Variants in PACRG observed in about 807,000 individuals in gnomAD.
PACRG encodes the protein parkin coregulated gene protein.
Under a neutral mutation model 29.7 loss-of-function variants are expected in PACRG, and 29 were observed. That is an observed-to-expected ratio of 0.98 (90% CI 0.73 to 1.33). PACRG has a LOEUF of 1.33. Among genes scored for constraint, PACRG ranks in the 40% most tolerant of loss-of-function variants. The pLI, the probability that PACRG is intolerant of heterozygous loss-of-function variation, is 0.00. For missense variants in PACRG, 279 were observed against 316.2 expected (o/e 0.88, Z 0.89); for synonymous variants, 116 against 118.7 (o/e 0.98, Z 0.15).
intron 4 of PACRG, among the ~76,000 whole-genome samples, chr6:163,117,152 C>T (rs1816041955): frequency 6.6e-6 from 1 of 152,194 alleles, no homozygotes; most frequent in Non-Finnish European, 1.5e-5. Context: ...ACACTCATCC[C>T]ACACTGTCTA....
intron 1 of PACRG, among the ~76,000 whole-genome samples, chr6:162,771,574 T>G (rs1336109412): frequency 6.6e-6 from 1 of 152,126 alleles, no homozygotes; most frequent in East Asian, 1.9e-4. Context: ...CCAGGTGTAT[T>G]TTGTACTTTT....
intron 1 of PACRG, among the ~76,000 whole-genome samples, chr6:162,813,543 T>A (rs958757976): frequency 2.6e-5 from 4 of 152,170 alleles, no homozygotes; most frequent in African/African-American, 9.6e-5. Flanking sequence ...ATTTCTCACC[T>A]ATTCTAATGT....
At chr6:162,793,298 A>G (rs1453927752) in intron 1 of PACRG, among the ~76,000 whole-genome samples, 1 of 152,254 alleles carries the variant, frequency 6.6e-6, no homozygotes, top group Non-Finnish European at 1.5e-5. Context: ...AATCATGGAT[A>G]AGGGATTCTC....
At chr6:163,266,312 G>A (rs909854088) in intron 4 of PACRG, among the ~76,000 whole-genome samples, 4 of 152,156 alleles carry the variant, frequency 2.6e-5, no homozygotes, top group East Asian at 1.9e-4. Flanking sequence ...AGGATATCTC[G>A]TAAAGAGAAA....
intron 3 of PACRG, among the ~76,000 whole-genome samples, chr6:163,084,850 G>A (rs1562899490): frequency 3.7e-5 from 3 of 80,148 alleles, no homozygotes; most frequent in African/African-American, 1.6e-4. Context: ...ACATATGTGT[G>A]CATATATATA....
chr6:163,157,362 A>G (rs1039387303), intron 4 of PACRG, among the ~76,000 whole-genome samples: 8 of 152,034 alleles, frequency 5.3e-5, no homozygotes, highest in Admixed American at 3.3e-4. Flanking sequence ...AAAGCCTCCC[A>G]GGACCCACCC....
At chr6:162,841,848 T>C (rs1294760848) in intron 2 of PACRG, among the ~76,000 whole-genome samples, 3 of 152,044 alleles carry the variant, frequency 2.0e-5, no homozygotes. Context: ...TTCATTTCGT[T>C]ATGTATCCAG....
chr6:163,012,219 T>C (rs1805680335), intron 2 of PACRG, among the ~76,000 whole-genome samples: 1 of 152,196 alleles, frequency 6.6e-6, no homozygotes, highest in South Asian at 2.1e-4. Context: ...AGAAAATAAG[T>C]TAGATATGTT....
At chr6:163,179,330 A>G in intron 4 of PACRG, 1 of 442,986 alleles carries the variant, frequency 2.3e-6, no homozygotes, top group East Asian at 7.1e-5. Flanking sequence ...CACTGCTCCC[A>G]AGACGAGGCA....
intron 1 of PACRG, among the ~76,000 whole-genome samples, chr6:162,788,479 G>T (rs1016268024): frequency 6.6e-6 from 1 of 152,212 alleles, no homozygotes; most frequent in Non-Finnish European, 1.5e-5. Context: ...ACATCTGTGT[G>T]CAGATTTTCA....
chr6:163,001,264 A>G (rs1318181464), intron 2 of PACRG, among the ~76,000 whole-genome samples: 9 of 152,366 alleles, frequency 5.9e-5, no homozygotes, highest in Admixed American at 5.9e-4. Context: ...GGAGGAGAAT[A>G]GCAGACACCA....
At chr6:163,038,663 G>A (rs1808419642) in intron 2 of PACRG, among the ~76,000 whole-genome samples, 1 of 152,078 alleles carries the variant, frequency 6.6e-6, no homozygotes, top group Non-Finnish European at 1.5e-5. Flanking sequence ...AAGAATGGAT[G>A]GAATATGCCA....
intron 1 of PACRG, among the ~76,000 whole-genome samples, chr6:162,786,003 G>A (rs534854684): frequency 1.3e-5 from 2 of 152,306 alleles, no homozygotes; most frequent in African/African-American, 2.4e-5. Context: ...GAGTAATTGC[G>A]CAAGGTCTTC....
intron 2 of PACRG, among the ~76,000 whole-genome samples, chr6:162,835,041 C>G (rs1318248918): frequency 6.6e-6 from 1 of 152,056 alleles, no homozygotes; most frequent in African/African-American, 2.4e-5. Context: ...GTTTCAAGGA[C>G]TTAACTCAAT....
At chr6:163,174,469 C>T (rs922744227) in intron 4 of PACRG, among the ~76,000 whole-genome samples, 1 of 152,150 alleles carries the variant, frequency 6.6e-6, no homozygotes, top group Non-Finnish European at 1.5e-5. Context: ...TTTTGAATAT[C>T]ACTTTGTTTT....
chr6:163,297,315 C>T (rs1784813918), intron 4 of PACRG, among the ~76,000 whole-genome samples: 1 of 152,202 alleles, frequency 6.6e-6, no homozygotes, highest in Admixed American at 6.5e-5. Flanking sequence ...GGTCACGGTT[C>T]AGGTTGCTGG....
At chr6:163,101,154 C>T (rs1815064022) in intron 4 of PACRG, 1 of 983,968 alleles carries the variant, frequency 1.0e-6, no homozygotes, top group African/African-American at 1.8e-5. Context: ...CTGCCTCTGC[C>T]CCCGCCCCCC....
In PACRG at chr6:163,043,576, A is replaced by G. The variant is rs79915375; in HGVS notation, c.292-18574A>G. Among the ~76,000 whole-genome samples the G allele has an allele frequency of 5.4e-4, 82 of 152,244 alleles. 2 individuals carry two copies. In the East Asian group the frequency reaches 0.013, roughly 24 times the overall value. ...AAAAAAAAAAAATCATCAGTTCGAG[A>G]CTATAGCAGAAGTTCAAGTATGAAG... On this transcript the variant is annotated intron_variant, in intron 2 of 4. Coordinates refer to ENST00000366888, the MANE Select transcript of PACRG (RefSeq NM_001080379.2).
chr6:163,245,083 C>T (rs1782644206), intron 4 of PACRG: 1 of 450,468 alleles, frequency 2.2e-6, no homozygotes, highest in Non-Finnish European at 4.4e-6. Context: ...GCTTCCCAGA[C>T]TAAACTCTGC....
Sources: gnomAD v4.1 joint callset for allele counts (sites outside exome capture counted in the v4.1 genomes callset) on GRCh38, gnomAD v4.1.1 for gene constraint, MANE v1.5 for transcripts, NCBI Gene and HGNC (gene_info 2026-07-23, HGNC 2026-07-21) for gene names.